Variants in RBPJ observed in about 807,000 individuals in gnomAD.
RBPJ encodes the protein recombining binding protein suppressor of hairless.
In RBPJ, 9 loss-of-function variants were observed where a neutral mutation model predicts 67.8. The ratio of observed to expected loss-of-function variants is 0.13; its 90% confidence interval spans 0.08 to 0.23. RBPJ has a LOEUF of 0.23. Ranked by LOEUF, RBPJ falls within the 10% of genes least tolerant of loss-of-function variation. The probability of loss-of-function intolerance (pLI) is 1.00; values close to 1 mark genes in which losing one functional copy is unlikely to be tolerated. For missense variants in RBPJ, 305 were observed against 595.6 expected (o/e 0.51, Z 5.08); for synonymous variants, 198 against 203.3 (o/e 0.97, Z 0.22).
chr4:26,195,382 A>G (rs1294647064), intron 1 of RBPJ, among the ~76,000 whole-genome samples: 1 of 152,184 alleles, frequency 6.6e-6, no homozygotes, highest in Non-Finnish European at 1.5e-5. Context: ...GCAGAACATT[A>G]TTCAGTAAGA....
chr4:26,220,833 C>T (rs1718879058), intron 1 of RBPJ, among the ~76,000 whole-genome samples: 1 of 152,236 alleles, frequency 6.6e-6, no homozygotes, highest in South Asian at 2.1e-4. Context: ...AGGAGCTGCG[C>T]TCCCCTGGCC....
At chr4:26,362,829 TTA>T (rs1211474824) in intron 1 of RBPJ, among the ~76,000 whole-genome samples, 2 of 152,096 alleles carry the variant, frequency 1.3e-5, no homozygotes, top group Non-Finnish European at 1.5e-5. Context: ...TCTTTTTCCT[TTA>T]TGATACATGG....
intron 1 of RBPJ, among the ~76,000 whole-genome samples, chr4:26,322,633 G>T (rs1723201944): frequency 6.7e-6 from 1 of 150,176 alleles, no homozygotes; most frequent in African/African-American, 2.4e-5. Flanking sequence ...ATCAAATGCA[G>T]TTAAAAAGTA....
the RBPJ span, among the ~76,000 whole-genome samples, chr4:26,140,632 CA>C: frequency 9.7e-5 from 11 of 112,884 alleles, no homozygotes; most frequent in South Asian, 3.7e-4. Flanking sequence ...CCCACCCCCC[CA>C]CCCCCCAAAT....
At chr4:26,155,783 G>T in the RBPJ span, among the ~76,000 whole-genome samples, 1 of 152,160 alleles carries the variant, frequency 6.6e-6, no homozygotes, top group African/African-American at 2.4e-5. Flanking sequence ...CATAGTGGAA[G>T]GTTGAAGGTC....
At position 26,410,167 on chromosome 4, in the gene RBPJ, T is replaced by G. The variant is rs1577640168; in HGVS notation, c.155+3897T>G. The G allele has an allele frequency of 2.0e-5, 7 of 356,256 alleles. No individual in the cohort carries two copies. In the East Asian group the frequency reaches 6.3e-4, roughly 32 times the overall value. 22.1% of individuals were successfully genotyped at this position (356,256 alleles called of 1,614,324 possible). On this transcript the variant is annotated intron_variant, in intron 3 of 10. Transcript: ENST00000355476. ...GAGTGCACAGTGGGAAGAGGATCTGTCTTCTTTCTTGCCGATCCTGGTTCA... is the reference window on the plus strand; with the variant it reads ...GAGTGCACAGTGGGAAGAGGATCTGGCTTCTTTCTTGCCGATCCTGGTTCA...
intron 7 of RBPJ, among the ~76,000 whole-genome samples, chr4:26,426,813 G>A (rs1199405938): frequency 6.6e-6 from 1 of 152,190 alleles, no homozygotes; most frequent in East Asian, 1.9e-4. Flanking sequence ...ATGATGACTA[G>A]TAAAGAAACC....
At chr4:26,379,719 A>G (rs1217090921) in intron 1 of RBPJ, among the ~76,000 whole-genome samples, 1 of 152,114 alleles carries the variant, frequency 6.6e-6, no homozygotes, top group Admixed American at 6.5e-5. Context: ...GCCAAACCGT[A>G]TCAACCACCA....
Position 26,361,963 on chromosome 4 carries a change from G to A in RBPJ, c.21-24390G>A, listed in dbSNP as rs897891355. ...AATGCCACTATAGAAGTAATCTTTA[G>A]AAACTGGAGCTGTTTTCAGTTTAAT... On this transcript the variant is annotated intron_variant, in intron 1 of 10. Transcript: ENST00000355476. Among the ~76,000 whole-genome samples, 6 of 152,288 alleles carry A rather than the reference G, an allele frequency of 3.9e-5. No homozygotes were observed. The East Asian group carries it at 1.2e-3, about 29-fold the overall frequency.
chr4:26,302,483 G>T (rs1722106756), intron 1 of RBPJ, among the ~76,000 whole-genome samples: 1 of 152,146 alleles, frequency 6.6e-6, no homozygotes, highest in Non-Finnish European at 1.5e-5. Flanking sequence ...TAATGTACTA[G>T]ATCTTAGGTC....
intron 1 of RBPJ, among the ~76,000 whole-genome samples, chr4:26,301,994 T>C (rs1722093810): frequency 6.6e-6 from 1 of 152,130 alleles, no homozygotes; most frequent in African/African-American, 2.4e-5. Context: ...GGTTTCGCCA[T>C]GTTGGCCAGG....
At chr4:26,399,620 G>C (rs1284849765) in intron 2 of RBPJ, among the ~76,000 whole-genome samples, 1 of 151,932 alleles carries the variant, frequency 6.6e-6, no homozygotes, top group Non-Finnish European at 1.5e-5. Flanking sequence ...TGTTGAACCA[G>C]AATGGCATTT....
At chr4:26,320,955 C>CG (rs1722960936), upstream of RBPJ, 3 of 1,437,034 alleles carry the variant, frequency 2.1e-6, no homozygotes, top group Non-Finnish European at 1.9e-6. Context: ...AGGGAAGGGG[C>CG]GGGGGAGAGG....
chr4:26,380,365 A>G lies in RBPJ; in HGVS notation c.21-5988A>G, dbSNP rs182052364. On this transcript the variant is annotated intron_variant, in intron 1 of 10. Coordinates refer to ENST00000355476, the MANE Select transcript of RBPJ (RefSeq NM_015874.6). Reference sequence around the variant, plus strand: ...ATTTGTGTGTCTTGTTCATTGATGTATACCAGCTACCTATAATTGTCCCCC... The same window carrying G: ...ATTTGTGTGTCTTGTTCATTGATGTGTACCAGCTACCTATAATTGTCCCCC... Among the ~76,000 whole-genome samples, 672 of 152,286 alleles carry G rather than the reference A, an allele frequency of 4.4e-3. 5 individuals are homozygous for G. Among genetic ancestry groups the G allele is most frequent in the Non-Finnish European group, 5.4e-3 (367 of 68,016 alleles).
upstream of RBPJ, among the ~76,000 whole-genome samples, chr4:26,160,139 C>T (rs548034139): frequency 2.6e-5 from 4 of 152,166 alleles, no homozygotes; most frequent in South Asian, 4.2e-4. Flanking sequence ...AGGGTGGTCT[C>T]GATCTCCTGA....
chr4:26,285,054 A>G (rs895056644), intron 1 of RBPJ, among the ~76,000 whole-genome samples: 2 of 151,346 alleles, frequency 1.3e-5, no homozygotes, highest in South Asian at 4.2e-4. Context: ...ATGAGGTTTC[A>G]CCATATTGGC....
At chr4:26,416,946 T>C (rs977837918) in intron 4 of RBPJ, among the ~76,000 whole-genome samples, 2 of 152,222 alleles carry the variant, frequency 1.3e-5, no homozygotes, top group Non-Finnish European at 2.9e-5. Flanking sequence ...ATAATACTTA[T>C]TACAATAAAG....
At chr4:26,274,842 G>A (rs1721026720) in intron 1 of RBPJ, among the ~76,000 whole-genome samples, 1 of 152,034 alleles carries the variant, frequency 6.6e-6, no homozygotes, top group African/African-American at 2.4e-5. Flanking sequence ...GCTAAAGCAG[G>A]AGAATTGCTT....
intron 1 of RBPJ, among the ~76,000 whole-genome samples, chr4:26,210,686 C>CTTTCCTTCTTTCCTT (rs56289492): frequency 6.1e-5 from 4 of 65,394 alleles, no homozygotes; most frequent in Admixed American, 1.6e-4. Flanking sequence ...TTCTTTCTTT[C>CTTTCCTTCTTTCCTT]CTTTCTTTCT....
Sources: gnomAD v4.1 joint callset for allele counts (sites outside exome capture counted in the v4.1 genomes callset) on GRCh38, gnomAD v4.1.1 for gene constraint, MANE v1.5 for transcripts, NCBI Gene and HGNC (gene_info 2026-07-23, HGNC 2026-07-21) for gene names.